SIDT1: variants seen among roughly 807,000 people sequenced by gnomAD.
SIDT1 encodes SID1 transmembrane family, member 1.
A neutral mutation model predicts 107.5 loss-of-function variants in SIDT1; 101 were observed. The ratio of observed to expected loss-of-function variants is 0.94; its 90% CI spans 0.80 to 1.11. SIDT1 has a LOEUF of 1.11. Ranked by LOEUF, SIDT1 falls within the 50% of genes least tolerant of loss-of-function variation. The probability of loss-of-function intolerance (pLI) is 0.00; values close to 1 mark genes in which losing one functional copy is unlikely to be tolerated. For missense variants in SIDT1, 1,076 were observed against 1,058.2 expected, an observed-to-expected ratio of 1.02 and a Z score of -0.23; for synonymous variants, 395 against 398.2, an observed-to-expected ratio of 0.99 and a Z score of 0.10.
chr3:113,591,843 A>G (rs1944178184), intron 9 of SIDT1, among the ~76,000 whole-genome samples: 1 of 152,266 alleles, frequency 6.6e-6, no homozygotes, highest in Non-Finnish European at 1.5e-5. Flanking sequence ...GTGTACACAA[A>G]TGTTCATAAC....
rs374060767 is a variant in SIDT1 at position 113,626,133 on chromosome 3, G to A, written c.2339G>A (p.Arg780His). ...CCGGCCGAATCCCGGGAGAAGAACCGCGAGTGCATTCTGCTGGATTTCTTC... is the reference window on the plus strand; with the variant it reads ...CCGGCCGAATCCCGGGAGAAGAACCACGAGTGCATTCTGCTGGATTTCTTC... ...GTPAESREKNRECILLDFFDD... is the reference protein window; with the variant it reads ...GTPAESREKNHECILLDFFDD... The change falls in exon 24 of 25, where the codon CGC (arginine) becomes CAC (histidine). Residue 780 changes from arginine to histidine, a missense_variant. Transcript: ENST00000264852. The A allele has an allele frequency of 1.9e-5, 30 of 1,613,944 alleles. No individual in the cohort carries two copies. Among genetic ancestry groups the A allele is most frequent in the Admixed American group, 5.0e-5 (3 of 59,998 alleles).
At chr3:113,595,392 G>A (rs1944471046) in intron 10 of SIDT1, among the ~76,000 whole-genome samples, 1 of 152,098 alleles carries the variant, frequency 6.6e-6, no homozygotes, top group African/African-American at 2.4e-5. Context: ...AGGCAACATA[G>A]TAAGACTTCG....
intron 10 of SIDT1, among the ~76,000 whole-genome samples, chr3:113,599,705 GA>G (rs1944822699): frequency 6.6e-6 from 1 of 152,168 alleles, no homozygotes; most frequent in Non-Finnish European, 1.5e-5. Context: ...TAGAAATAAG[GA>G]GTAGAACAGT....
intron 17 of SIDT1, among the ~76,000 whole-genome samples, chr3:113,610,730 CCTT>C (rs1370109959): frequency 2.0e-5 from 3 of 152,250 alleles, no homozygotes; most frequent in East Asian, 1.9e-4. Context: ...ATCAGACACT[CCTT>C]CTGTGAAAGA....
At chr3:113,623,406 A>G (rs1946612388) in intron 21 of SIDT1, 21 bp from the exon 22 acceptor site, 1 of 1,551,632 alleles carries the variant, frequency 6.4e-7, no homozygotes, top group Admixed American at 1.7e-5. Flanking sequence ...ACGGCTGCCC[A>G]CATTTCTCCC....
chr3:113,551,860 G>T (rs138902898), intron 1 of SIDT1, among the ~76,000 whole-genome samples: 3 of 151,820 alleles, frequency 2.0e-5, no homozygotes, highest in African/African-American at 7.3e-5. Context: ...TGTGTAGTGT[G>T]TGTGTTTTAT....
chr3:113,567,939 T>G (rs555951518), intron 3 of SIDT1: 13 of 442,036 alleles, frequency 2.9e-5, no homozygotes, highest in Non-Finnish European at 4.4e-5. Flanking sequence ...TGAATCTGTT[T>G]TCAGGGATCA....
At chr3:113,598,646 A>G (rs1327641406) in intron 10 of SIDT1, among the ~76,000 whole-genome samples, 1 of 152,206 alleles carries the variant, frequency 6.6e-6, no homozygotes, top group African/African-American at 2.4e-5. Flanking sequence ...AAATTACTTG[A>G]TCTCTCAGCA....
intron 7 of SIDT1, among the ~76,000 whole-genome samples, chr3:113,583,931 G>C (rs999840246): frequency 6.6e-6 from 1 of 152,136 alleles, no homozygotes; most frequent in Non-Finnish European, 1.5e-5. Flanking sequence ...TCAGCATTCT[G>C]CATCTCAGTT....
intron 10 of SIDT1, among the ~76,000 whole-genome samples, chr3:113,598,410 T>C (rs1003835368): frequency 3.3e-5 from 5 of 152,222 alleles, no homozygotes; most frequent in African/African-American, 1.2e-4. Context: ...CACGAACAAT[T>C]TCGACCTCCT....
At chr3:113,595,678 A>G (rs1376644540) in intron 10 of SIDT1, among the ~76,000 whole-genome samples, 2 of 152,174 alleles carry the variant, frequency 1.3e-5, no homozygotes, top group Non-Finnish European at 2.9e-5. Context: ...TAAACACATG[A>G]AGACACCTAA....
chr3:113,618,293 G>A lies in SIDT1; in HGVS notation c.2044-1387G>A, dbSNP rs532207494. Among the ~76,000 whole-genome samples, 6 of 152,242 alleles carry A rather than the reference G, an allele frequency of 3.9e-5. No homozygotes were observed. The East Asian group carries it at 5.8e-4, about 15-fold the overall frequency. The stretch of plus-strand genomic sequence containing the variant: ...AGCACTGAATAATATTCCATTGCCC[G>A]GATGTGGGATGTGCCACGTTTATTT... On this transcript the variant is annotated intron_variant, in intron 20 of 24. Transcript: ENST00000264852.
intron 19 of SIDT1, among the ~76,000 whole-genome samples, chr3:113,615,516 T>C (rs1946041509): frequency 1.3e-5 from 2 of 152,246 alleles, no homozygotes; most frequent in African/African-American, 4.8e-5. Flanking sequence ...TTTTCAACTG[T>C]GCTTAAAAAA....
At chr3:113,619,630 AAAGT>A in intron 20 of SIDT1, 46 bp from the exon 21 acceptor site, 1 of 1,541,742 alleles carries the variant, frequency 6.5e-7, no homozygotes. Flanking sequence ...GGTTAAAAGA[AAAGT>A]AGGCTGTGCA....
chr3:113,625,617 T>G (rs1157356465), intron 23 of SIDT1, among the ~76,000 whole-genome samples: 3 of 152,332 alleles, frequency 2.0e-5, no homozygotes, highest in African/African-American at 7.2e-5. Flanking sequence ...GATATCTCAT[T>G]GTAGTTTTGA....
At chr3:113,576,868 C>A (rs371138417) in intron 3 of SIDT1, 54 bp from the exon 4 acceptor site, 5 of 1,569,494 alleles carry the variant, frequency 3.2e-6, no homozygotes, top group African/African-American at 1.4e-5. Flanking sequence ...TGCTCACTAA[C>A]TTATGCTTTT....
At chr3:113,564,497 G>C (rs1207440023) in intron 1 of SIDT1, among the ~76,000 whole-genome samples, 1 of 152,130 alleles carries the variant, frequency 6.6e-6, no homozygotes. Flanking sequence ...ACTAGACAGC[G>C]GGCTGCCAAG....
intron 1 of SIDT1, among the ~76,000 whole-genome samples, chr3:113,534,245 C>T (rs576420193): frequency 6.6e-6 from 1 of 151,560 alleles, no homozygotes; most frequent in Admixed American, 6.6e-5. Context: ...CATGATATGC[C>T]TCCGTCTGAT....
chr3:113,547,628 C>T (rs72950865), intron 1 of SIDT1, among the ~76,000 whole-genome samples: 6,417 of 152,126 alleles, frequency 0.042, 255 homozygotes, highest in African/African-American at 0.11. Context: ...TTAAAGGTAT[C>T]TTATATTGAA....
Sources: allele counts gnomAD v4.1 joint callset (sites outside exome capture counted in the v4.1 genomes callset), GRCh38; gene constraint gnomAD v4.1.1; transcripts MANE v1.5; gene names NCBI Gene and HGNC (gene_info 2026-07-23, HGNC 2026-07-21).